Variants in JARID2 observed in about 807,000 individuals in gnomAD.
JARID2 encodes the protein protein Jumonji.
JARID2 carries 21 observed loss-of-function variants against 125.6 expected under a neutral mutation model. That is an observed-to-expected ratio of 0.17 (90% confidence interval 0.12 to 0.24). JARID2 has a LOEUF of 0.24. Among genes scored for constraint, JARID2 ranks in the 10% least tolerant of loss-of-function variants. The probability of loss-of-function intolerance (pLI) is 1.00; values close to 1 mark genes in which losing one functional copy is unlikely to be tolerated. For synonymous variants in JARID2, 736 were observed against 661.6 expected (o/e 1.11, Z -1.73); for missense variants, 1,303 against 1,639.6 (o/e 0.79, Z 3.55).
chr6:15,431,184 G>A (rs1374580101), intron 3 of JARID2, among the ~76,000 whole-genome samples: 1 of 152,096 alleles, frequency 6.6e-6, no homozygotes, highest in Admixed American at 6.5e-5. Flanking sequence ...CAGCCTAATT[G>A]AACTGTGCTG....
chr6:15,291,234 C>G (rs150094724), intron 1 of JARID2, among the ~76,000 whole-genome samples: 1 of 151,944 alleles, frequency 6.6e-6, no homozygotes, highest in Non-Finnish European at 1.5e-5. Context: ...GACCCTGTCT[C>G]AAAAAAATAA....
intron 1 of JARID2, among the ~76,000 whole-genome samples, chr6:15,305,954 C>A (rs1434321018): frequency 6.6e-6 from 1 of 152,164 alleles, no homozygotes; most frequent in African/African-American, 2.4e-5. Context: ...TAGTTTTCTA[C>A]TATTCATCTG....
At chr6:15,498,238 CTTTTTTCTGAGACCAGG>C (rs1366637510) in intron 7 of JARID2, among the ~76,000 whole-genome samples, 1 of 152,082 alleles carries the variant, frequency 6.6e-6, no homozygotes, top group African/African-American at 2.4e-5. Flanking sequence ...ATCTGTTGAC[CTTTTTTCTGAGACCAGG>C]TTTTTTCTGA....
chr6:15,320,304 GTTAGGT>G (rs1762309836), intron 1 of JARID2, among the ~76,000 whole-genome samples: 1 of 152,218 alleles, frequency 6.6e-6, no homozygotes, highest in Non-Finnish European at 1.5e-5. Flanking sequence ...GGTAATTCAA[GTTAGGT>G]TAACTCTGTT....
At chr6:15,401,475 A>T (rs1003468842) in intron 2 of JARID2, among the ~76,000 whole-genome samples, 4 of 152,182 alleles carry the variant, frequency 2.6e-5, no homozygotes, top group African/African-American at 9.7e-5. Context: ...TAAATGTTTG[A>T]TTAAAGTTAA....
At chr6:15,349,559 A>G (rs1028861845) in intron 1 of JARID2, among the ~76,000 whole-genome samples, 1 of 152,156 alleles carries the variant, frequency 6.6e-6, no homozygotes, top group African/African-American at 2.4e-5. Context: ...CAGCTCCATA[A>G]TTGTAGTTTT....
intron 1 of JARID2, among the ~76,000 whole-genome samples, chr6:15,356,374 G>A (rs1763600430): frequency 1.3e-5 from 2 of 152,186 alleles, no homozygotes; most frequent in South Asian, 4.1e-4. Context: ...CACAATTGCT[G>A]TATGAGGTTT....
At chr6:15,265,587 G>A (rs938997956) in intron 1 of JARID2, among the ~76,000 whole-genome samples, 6 of 152,082 alleles carry the variant, frequency 3.9e-5, no homozygotes, top group African/African-American at 1.4e-4. Flanking sequence ...CATGGGTACA[G>A]AAGTTAAGGC....
chr6:15,420,739 G>C (rs1459699205), intron 3 of JARID2, among the ~76,000 whole-genome samples: 1 of 152,174 alleles, frequency 6.6e-6, no homozygotes, highest in African/African-American at 2.4e-5. Context: ...TGATCTGTTT[G>C]GATCTTGGTT....
At chr6:15,449,759 T>C (rs898454041) in intron 3 of JARID2, among the ~76,000 whole-genome samples, 4 of 152,278 alleles carry the variant, frequency 2.6e-5, no homozygotes, top group Admixed American at 2.6e-4. Context: ...CACTAAGTAG[T>C]TGGAGTCACA....
intron 13 of JARID2, 30 bp downstream of exon 13, chr6:15,511,431 G>A (rs1373880050): frequency 1.1e-5 from 15 of 1,427,798 alleles, no homozygotes; most frequent in Non-Finnish European, 1.5e-5. Flanking sequence ...GCCTCCAGCA[G>A]GAGCTGTAGG....
chr6:15,354,660 G>A (rs544192060), intron 1 of JARID2, among the ~76,000 whole-genome samples: 2 of 151,940 alleles, frequency 1.3e-5, no homozygotes, highest in African/African-American at 4.8e-5. Flanking sequence ...TAAACAGCTG[G>A]GATTTGAACC....
rs560813921 is a variant in JARID2, at chr6:15,456,110, T to A, written c.493+3935T>A. 9.2e-5 allele frequency among the ~76,000 whole-genome samples: 14 copies of A among 152,354 alleles called. No individual in the cohort carries two copies. In the East Asian group the frequency reaches 2.7e-3, roughly 29 times the overall value. Reference sequence around the variant, plus strand: ...AGAAACCCATCAGGGAATGTCTCAGTGATTCTGTGTAGAGAGGAATATGTG... The same window carrying A: ...AGAAACCCATCAGGGAATGTCTCAGAGATTCTGTGTAGAGAGGAATATGTG... On this transcript the variant is annotated intron_variant, in intron 4 of 17. Transcript: ENST00000341776.
rs557641426 is a variant in JARID2 at position 15,464,594 on chromosome 6, A to T, written c.494-3948A>T. Reference sequence around the variant, plus strand: ...TGTGGGGTACCCCCCAGTGAGAAGAAGGGGTACAAGCTTAACCTCTGAACT... The same window carrying T: ...TGTGGGGTACCCCCCAGTGAGAAGATGGGGTACAAGCTTAACCTCTGAACT... On this transcript the variant is annotated intron_variant, in intron 4 of 17. Coordinates refer to ENST00000341776, the MANE Select transcript of JARID2 (RefSeq NM_004973.4). 5.3e-5 allele frequency among the ~76,000 whole-genome samples: 8 copies of T among 152,256 alleles called. No homozygotes were observed. The South Asian group carries it at 1.7e-3, about 32-fold the overall frequency.
At chr6:15,513,459 A>G (rs1364430338) in intron 16 of JARID2, 37 bp downstream of exon 16, 1 of 1,561,000 alleles carries the variant, frequency 6.4e-7, no homozygotes, top group Non-Finnish European at 8.7e-7. Context: ...CCTCGCATGT[A>G]GTGCTTGGCC....
chr6:15,442,927 A>G (rs958171035), intron 3 of JARID2, among the ~76,000 whole-genome samples: 2 of 152,134 alleles, frequency 1.3e-5, no homozygotes, highest in Non-Finnish European at 2.9e-5. Context: ...TACTTTTCAT[A>G]CTGTTTGTGC....
intron 1 of JARID2, among the ~76,000 whole-genome samples, chr6:15,321,736 A>C (rs1255459901): frequency 6.7e-6 from 1 of 148,420 alleles, no homozygotes; most frequent in African/African-American, 2.5e-5. Flanking sequence ...TCAATAATAG[A>C]GTGTGAGTTA....
chr6:15,255,453 G>T (rs1031084325), intron 1 of JARID2, among the ~76,000 whole-genome samples: 3 of 152,164 alleles, frequency 2.0e-5, no homozygotes, highest in African/African-American at 7.2e-5. Flanking sequence ...TGAGGAGGAG[G>T]AGTGAAAAGG....
intron 1 of JARID2, among the ~76,000 whole-genome samples, chr6:15,259,657 G>A (rs1759796497): frequency 6.6e-6 from 1 of 152,234 alleles, no homozygotes; most frequent in Admixed American, 6.5e-5. Flanking sequence ...ACAGGGGTTA[G>A]ATGGGTATGT....
Sources: gnomAD v4.1 joint callset for allele counts (sites outside exome capture counted in the v4.1 genomes callset) on GRCh38, gnomAD v4.1.1 for gene constraint, MANE v1.5 for transcripts, NCBI Gene and HGNC (gene_info 2026-07-23, HGNC 2026-07-21) for gene names.